Variants in MYH9 observed in about 807,000 individuals in gnomAD.
MYH9 encodes myosin heavy chain 9.
In MYH9, 29 loss-of-function variants were observed where a neutral mutation model predicts 241.9. The ratio of observed to expected loss-of-function variants is 0.12; its 90% CI spans 0.09 to 0.16. The LOEUF is 0.16. Ranked by LOEUF, MYH9 falls within the 10% of genes least tolerant of loss-of-function variation. The probability of loss-of-function intolerance (pLI) is 1.00; values close to 1 mark genes in which losing one functional copy is unlikely to be tolerated. For synonymous variants in MYH9, 1,047 were observed against 1,062.6 expected (o/e 0.99, Z 0.29); for missense variants, 1,803 against 2,595.5 (o/e 0.69, Z 6.63).
Position 36,306,185 on chromosome 22 carries a change from A to AT in MYH9, c.2038-135dup. The AT allele has an allele frequency of 6.8e-7, 1 of 1,463,072 alleles. No homozygotes were observed. Among genetic ancestry groups the AT allele is most frequent in the Non-Finnish European group, 9.4e-7 (1 of 1,064,136 alleles). 90.6% of individuals were successfully genotyped at this position (1,463,072 alleles called of 1,614,324 possible). On this transcript the variant is annotated intron_variant, in intron 16 of 40. Coordinates refer to ENST00000216181, the MANE Select transcript of MYH9 (RefSeq NM_002473.6). The surrounding 1 kb of genome is among the most constrained non-coding windows in gnomAD (Gnocchi z 4.1). ...TCGCTACAGCCCACAGGTTTGGACAATGAAGTCAAAGGATCCAGGTCTGGG... is the reference window on the plus strand; with the variant it reads ...TCGCTACAGCCCACAGGTTTGGACAATTGAAGTCAAAGGATCCAGGTCTGGG...
At chr22:36,316,794 GAAA>G in intron 11 of MYH9, 125 bp from the exon 12 acceptor site, 1 of 797,266 alleles carries the variant, frequency 1.3e-6, no homozygotes. Context: ...GTATGTGGGG[GAAA>G]AAAAAAAATC....
chr22:36,316,182 CA>C (rs2017147788), intron 12 of MYH9, among the ~76,000 whole-genome samples: 2 of 151,686 alleles, frequency 1.3e-5, no homozygotes, highest in African/African-American at 4.8e-5. Flanking sequence ...GGATTACAGG[CA>C]TGCGCCACCA....
chr22:36,311,565 G>A (rs1290097811), intron 14 of MYH9, among the ~76,000 whole-genome samples: 4 of 152,148 alleles, frequency 2.6e-5, no homozygotes, highest in Non-Finnish European at 4.4e-5. Context: ...GCCCTGCCCC[G>A]GAGCACTGAT....
intron 20 of MYH9, 45 bp from the exon 21 acceptor site, chr22:36,301,710 C>A (rs371823102): frequency 6.2e-7 from 1 of 1,606,554 alleles, no homozygotes; most frequent in Non-Finnish European, 8.5e-7. Flanking sequence ...CTGGAAGATG[C>A]CCGCCTCTGC....
At chr22:36,301,194 TGAAG>T in intron 21 of MYH9, 137 bp from the exon 22 acceptor site, 1 of 878,788 alleles carries the variant, frequency 1.1e-6, no homozygotes, top group Non-Finnish European at 1.8e-6. Context: ...TGGAGAGCTC[TGAAG>T]CTTCCAGGTA....
Position 36,340,593 on chromosome 22 carries a change from G to A in MYH9, c.490+777C>T, listed in dbSNP as rs371174491. On this transcript the variant is annotated intron_variant, in intron 3 of 40. Transcript: ENST00000216181. Reference sequence around the variant, plus strand: ...AGAGAATCGCTTGAGCCTGGGAAGCGGAGGTTGCAGTGAGCCAAGATCATG... The same window carrying A: ...AGAGAATCGCTTGAGCCTGGGAAGCAGAGGTTGCAGTGAGCCAAGATCATG... Among the ~76,000 whole-genome samples the A allele has an allele frequency of 9.2e-5, 14 of 151,994 alleles. No individual in the cohort carries two copies. The East Asian group carries it at 9.7e-4, about 10-fold the overall frequency.
At position 36,301,044 on chromosome 22, in the gene MYH9, T is replaced by C. The variant is rs1226164291; in HGVS notation, c.2645A>G (p.Lys882Arg). 4 of 1,610,054 alleles carry C rather than the reference T, an allele frequency of 2.5e-6. No homozygotes were observed. The change falls in exon 22 of 41, where the codon AAA becomes AGA. Residue 882 changes from lysine (K) to arginine (R), a missense_variant. By Grantham distance (26) the Lys-to-Arg change is conservative (BLOSUM62 2). Coordinates refer to ENST00000216181, the MANE Select transcript of MYH9 (RefSeq NM_002473.6). Reference protein sequence around the residue: ...ETLQSQLMAEKLQLQEQLQAE... With the variant: ...ETLQSQLMAERLQLQEQLQAE... ...CTGGAGCTGCTCCTGCAGCTGCAAT[T>C]TCTCTGCCATGAGCTGCAAACAACA...
intron 5 of MYH9, among the ~76,000 whole-genome samples, chr22:36,323,157 T>C (rs986930762): frequency 6.6e-6 from 1 of 151,076 alleles, no homozygotes; most frequent in Admixed American, 6.5e-5. Flanking sequence ...CCAGGGTGCT[T>C]TGTGGTAGAC....
intron 14 of MYH9, 69 bp from the exon 15 acceptor site, chr22:36,309,465 G>T: frequency 8.4e-7 from 1 of 1,188,222 alleles, no homozygotes; most frequent in Non-Finnish European, 1.3e-6. Flanking sequence ...GGTCTCCGGA[G>T]CACAGGCTAA....
At chr22:36,366,673 C>T (rs1051236795) in intron 1 of MYH9, among the ~76,000 whole-genome samples, 1 of 152,148 alleles carries the variant, frequency 6.6e-6, no homozygotes, top group African/African-American at 2.4e-5. Context: ...TCCAAGGTAA[C>T]AAGAGATCAA....
chr22:36,293,564 G>C lies in MYH9; in HGVS notation c.3943-83C>G. On this transcript the variant is annotated intron_variant, in intron 29 of 40. Coordinates refer to ENST00000216181, the MANE Select transcript of MYH9 (RefSeq NM_002473.6). This position sits in a 1 kb window ranked among gnomAD's most constrained non-coding sequence, Gnocchi z 5.1. ...AACCCCACACCCTTGAGGAGAGGGA[G>C]GAGCTGGTCCTGCTGATTTAGGGGA... The C allele has an allele frequency of 6.3e-7, 1 of 1,576,808 alleles. No homozygotes were observed. The highest frequency in any genetic ancestry group is 8.6e-7 in the Non-Finnish European group (1 of 1,156,244).
chr22:36,309,718 C>G (rs2017030153), intron 14 of MYH9, among the ~76,000 whole-genome samples: 1 of 152,128 alleles, frequency 6.6e-6, no homozygotes, highest in East Asian at 1.9e-4. Flanking sequence ...GTAATATGAA[C>G]AAAGAAAAAC....
intron 1 of MYH9, chr22:36,364,851 C>T (rs541456910): frequency 6.6e-6 from 1 of 152,330 alleles, no homozygotes; most frequent in Non-Finnish European, 1.5e-5. Flanking sequence ...ATGCCAGAGC[C>T]ACCACTTAAC....
chr22:36,370,706 G>A (rs1174896381), intron 1 of MYH9, among the ~76,000 whole-genome samples: 2 of 152,210 alleles, frequency 1.3e-5, no homozygotes, highest in East Asian at 3.8e-4. Context: ...TGGCTCACAG[G>A]CACTGGGCAG....
chr22:36,321,994 G>C, intron 6 of MYH9, 173 bp from the exon 7 acceptor site: 2 of 670,438 alleles, frequency 3.0e-6, no homozygotes, highest in Non-Finnish European at 5.4e-6. Context: ...CACACCACAC[G>C]GGACCTCGGG....
intron 1 of MYH9, among the ~76,000 whole-genome samples, chr22:36,366,051 G>A (rs1000363599): frequency 2.0e-5 from 3 of 152,020 alleles, no homozygotes; most frequent in Admixed American, 1.3e-4. Context: ...AGCCAGGCAC[G>A]GTGGTGGGCA....
At chr22:36,336,879 C>T (rs997610736) in intron 3 of MYH9, among the ~76,000 whole-genome samples, 5 of 152,214 alleles carry the variant, frequency 3.3e-5, no homozygotes, top group East Asian at 1.9e-4. Context: ...CCACCTGGAC[C>T]GCCAGGGCAT....
At position 36,319,593 on chromosome 22, in the gene MYH9, A is replaced by G; in HGVS notation, c.1055T>C (p.Ile352Thr). ...AGTGTTCCGCTCCTTCTTGAAGACG[A>G]TGTTGCCGAGCTGAAGAACCCCTGA... ...VISGVLQLGNIVFKKERNTDQ... is the reference protein window; with the variant it reads ...VISGVLQLGNTVFKKERNTDQ... The change falls in exon 10 of 41, where the codon ATC (isoleucine) becomes ACC (threonine). Residue 352 changes from isoleucine (I) to threonine (T), a missense_variant. This residue lies in a region of MYH9 where 222 missense variants were observed against 359.9 expected (regional missense o/e 0.62). Transcript: ENST00000216181. 1 of 1,613,978 alleles carries G rather than the reference A, an allele frequency of 6.2e-7. No individual in the cohort carries two copies. Among genetic ancestry groups the G allele is most frequent in the East Asian group, 2.2e-5 (1 of 44,866 alleles).
Position 36,300,291 on chromosome 22 carries a change from G to A in MYH9, c.2839-27C>T. On this transcript the variant is annotated intron_variant, in intron 22 of 40. Transcript: ENST00000216181. The surrounding 1 kb of genome is among the most constrained non-coding windows in gnomAD (Gnocchi z 5.0). ...TGCCGGGGGCCAGAGACACGGTAAG[G>A]ACAGCAGGCCCAGAGGCATGGCCAA... 1 of 1,610,938 alleles carries A rather than the reference G, an allele frequency of 6.2e-7. No homozygotes were observed. The highest frequency in any genetic ancestry group is 8.5e-7 in the Non-Finnish European group (1 of 1,180,026).
Sources: allele counts gnomAD v4.1 joint callset (sites outside exome capture counted in the v4.1 genomes callset), GRCh38; gene constraint gnomAD v4.1.1; regional missense constraint gnomAD v4.1.1; non-coding constraint Gnocchi (gnomAD v3.1); transcripts MANE v1.5; gene names NCBI Gene and HGNC (gene_info 2026-07-23, HGNC 2026-07-21).